Variants in BCL11A observed in about 807,000 individuals in gnomAD.
BCL11A encodes the protein BCL11 transcription factor A.
A neutral mutation model predicts 55.9 loss-of-function variants in BCL11A; 2 were observed. That is an observed-to-expected ratio of 0.04 (90% CI 0.01 to 0.11). BCL11A has a LOEUF of 0.11. Among genes scored for constraint, BCL11A ranks in the 10% least tolerant of loss-of-function variants. The pLI is 1.00. For missense variants in BCL11A, 817 were observed against 1,137.1 expected, an observed-to-expected ratio of 0.72 and a Z score of 4.05; for synonymous variants, 465 against 473.4, an observed-to-expected ratio of 0.98 and a Z score of 0.23.
intron 2 of BCL11A, among the ~76,000 whole-genome samples, chr2:60,481,926 A>T (rs1677981322): frequency 6.6e-6 from 1 of 152,160 alleles, no homozygotes; most frequent in Admixed American, 6.5e-5. Context: ...CCAGCTCAGG[A>T]AACCCACCTA....
At chr2:60,537,022 C>A (rs1430611739) in intron 2 of BCL11A, 1 of 152,092 alleles carries the variant, frequency 6.6e-6, no homozygotes, top group African/African-American at 2.4e-5. Context: ...GATTTTTTTT[C>A]TTTCTTGCTA....
At chr2:60,547,435 C>G (rs113531411) in intron 1 of BCL11A, among the ~76,000 whole-genome samples, 20 of 149,782 alleles carry the variant, frequency 1.3e-4, no homozygotes, top group African/African-American at 4.4e-4. Flanking sequence ...TTACCAGCTT[C>G]TATCATTTTT....
At chr2:60,452,926 A>G (rs948237645), downstream of BCL11A, 1 of 404,158 alleles carries the variant, frequency 2.5e-6, no homozygotes, top group Non-Finnish European at 4.5e-6. Context: ...GCCCAATTGT[A>G]TGATAGTCCT....
At chr2:60,545,057 T>C (rs972597926) in intron 2 of BCL11A, 12 of 152,216 alleles carry the variant, frequency 7.9e-5, no homozygotes, top group African/African-American at 2.9e-4. Flanking sequence ...TTTTACATTG[T>C]GTTATAGCAG....
intron 2 of BCL11A, among the ~76,000 whole-genome samples, chr2:60,514,497 A>C (rs1260305221): frequency 1.9e-5 from 1 of 53,220 alleles, no homozygotes; most frequent in East Asian, 2.1e-4. Flanking sequence ...TCTCTACTTA[A>C]AAAAAAAAAA....
At position 60,457,674 on chromosome 2, in the gene BCL11A, T is replaced by C; in HGVS notation, c.*2730A>G. The C allele has an allele frequency of 9.7e-7, 1 of 1,035,642 alleles. No homozygotes were observed. The highest frequency in any genetic ancestry group is 1.2e-6 in the Non-Finnish European group (1 of 860,282). The allele number at this position is 1,035,642 out of a possible 1,614,324, so 64.2% of individuals were successfully genotyped here. ...GAAAAAAACTGCAAAACATTGGTTT[T>C]TTTTTTTTTTTCCTTTTTTTTTCTT... On this transcript the variant is annotated 3_prime_UTR_variant, in exon 4 of 4. Transcript: ENST00000642384.
intron 2 of BCL11A, chr2:60,522,959 A>G (rs966474995): frequency 6.6e-6 from 1 of 152,204 alleles, no homozygotes; most frequent in Non-Finnish European, 1.5e-5. Context: ...GTCTACAATA[A>G]AACCTATTGA....
chr2:60,483,892 CT>C (rs45484694), intron 2 of BCL11A: 97,147 of 151,314 alleles, frequency 0.64, 32,926 homozygotes, highest in African/African-American at 0.75. Flanking sequence ...TTCTTGGTTG[CT>C]TTTTTTTCCC....
intron 2 of BCL11A, among the ~76,000 whole-genome samples, chr2:60,490,394 C>T (rs1678556493): frequency 6.6e-6 from 1 of 152,200 alleles, no homozygotes; most frequent in African/African-American, 2.4e-5. Context: ...CACAATCCAA[C>T]TCCAATTTTC....
intron 2 of BCL11A, among the ~76,000 whole-genome samples, chr2:60,488,366 G>A (rs1377194670): frequency 6.6e-6 from 1 of 152,210 alleles, no homozygotes; most frequent in Non-Finnish European, 1.5e-5. Flanking sequence ...TGGCAATCCA[G>A]TTACAATTTG....
At chr2:60,494,268 G>C (rs1678818819) in intron 2 of BCL11A, among the ~76,000 whole-genome samples, 1 of 152,180 alleles carries the variant, frequency 6.6e-6, no homozygotes. Context: ...GAAGACGTGG[G>C]CTGGGAGCTG....
Position 60,461,215 on chromosome 2 carries a change from A to C in BCL11A, c.1697T>G (p.Leu566Arg), listed in dbSNP as rs1485335486. ...QHFSEAFHQV[L>R]GEKHKRGHLA... ...GTGGCCGCGCTTATGCTTCTCGCCC[A>C]GGACCTGGTGGAAGGCCTCGCTGAA... Residue 566 changes from leucine to arginine, a missense_variant, in exon 4 of 4, where the codon CTG (leucine) becomes CGG (arginine). Leu to Arg is a moderately radical substitution (Grantham distance 102). Transcript: ENST00000642384. 8 of 1,611,728 alleles carry C rather than the reference A, an allele frequency of 5.0e-6. No homozygotes were observed. Among genetic ancestry groups the C allele is most frequent in the Non-Finnish European group, 6.8e-6 (8 of 1,179,776 alleles).
chr2:60,452,547 A>G, downstream of BCL11A: 1 of 1,586,388 alleles, frequency 6.3e-7, no homozygotes, highest in South Asian at 1.1e-5. Flanking sequence ...GCACGCGTCC[A>G]CCCCACCCCT....
At position 60,458,513 on chromosome 2, in the gene BCL11A, A is replaced by G; in HGVS notation, c.*1891T>C. ...GAAGCGAAAGCAATCATTCATTTCT[A>G]TGTTAAGTGTATTCTGTTTCCATTC... is the stretch of plus-strand genomic sequence containing the variant. On this transcript the variant is annotated 3_prime_UTR_variant, in exon 4 of 4. Transcript: ENST00000642384. The G allele has an allele frequency of 9.7e-7, 1 of 1,033,650 alleles. No homozygotes were observed. Among genetic ancestry groups the G allele is most frequent in the Non-Finnish European group, 1.2e-6 (1 of 858,604 alleles). The allele number at this position is 1,033,650 out of a possible 1,614,324, so 64.0% of individuals were successfully genotyped here.
At chr2:60,501,651 C>T (rs1679288672) in intron 2 of BCL11A, among the ~76,000 whole-genome samples, 1 of 151,702 alleles carries the variant, frequency 6.6e-6, no homozygotes, top group South Asian at 2.1e-4. Context: ...GGATTACAGG[C>T]ATGTGCGACC....
chr2:60,458,399 C>G lies in BCL11A; in HGVS notation c.*2005G>C. Reference sequence around the variant, plus strand: ...AATGGAACCCTAAAATGCAGTTCCCCCCTAAACATAATGAAGTGTTTTTTA... The same window carrying G: ...AATGGAACCCTAAAATGCAGTTCCCGCCTAAACATAATGAAGTGTTTTTTA... On this transcript the variant is annotated 3_prime_UTR_variant, in exon 4 of 4. Transcript: ENST00000642384. 9.8e-7 allele frequency: 1 copy of G among 1,021,812 alleles called. No individual in the cohort carries two copies. The highest frequency in any genetic ancestry group is 1.2e-6 in the Non-Finnish European group (1 of 851,048). 63.3% of individuals were successfully genotyped at this position (1,021,812 alleles called of 1,614,324 possible).
chr2:60,507,199 C>G (rs1679644335), intron 2 of BCL11A, among the ~76,000 whole-genome samples: 1 of 125,278 alleles, frequency 8.0e-6, no homozygotes, highest in Non-Finnish European at 1.6e-5. Context: ...CAAAGCAAGA[C>G]AAGGAAGAAA....
rs368616571 is a variant in BCL11A at position 60,457,891 on chromosome 2, G to C, written c.*2513C>G. On this transcript the variant is annotated 3_prime_UTR_variant, in exon 4 of 4. Coordinates refer to ENST00000642384, the MANE Select transcript of BCL11A (RefSeq NM_022893.4). ...AGCCATCCATGTGACATTCTAGCAG[G>C]CTCCCCCAAACCGCCATTATATGGC... 1 of 1,048,246 alleles carries C rather than the reference G, an allele frequency of 9.5e-7. No homozygotes were observed. The highest frequency in any genetic ancestry group is 1.2e-6 in the Non-Finnish European group (1 of 869,014). 64.9% of individuals were successfully genotyped at this position (1,048,246 alleles called of 1,614,324 possible).
intron 1 of BCL11A, among the ~76,000 whole-genome samples, chr2:60,551,433 G>A (rs879440930): frequency 6.6e-6 from 1 of 152,186 alleles, no homozygotes; most frequent in African/African-American, 2.4e-5. Flanking sequence ...CGGCAACCCC[G>A]CCACCTGGCC....
Sources: allele counts gnomAD v4.1 joint callset (sites outside exome capture counted in the v4.1 genomes callset), GRCh38; gene constraint gnomAD v4.1.1; transcripts MANE v1.5; gene names NCBI Gene and HGNC (gene_info 2026-07-23, HGNC 2026-07-21).